The following APBA1 variants were observed in gnomAD, a reference collection of about 807,000 sequenced individuals.
APBA1 encodes the protein amyloid-beta A4 precursor protein-binding family A member 1.
Under a neutral mutation model 86.6 loss-of-function variants are expected in APBA1, and 55 were observed. The observed-to-expected ratio is 0.64, with a 90% CI of 0.51 to 0.80. The LOEUF (loss-of-function observed/expected upper bound fraction) is 0.80. APBA1 is among the 30% of genes least tolerant of loss of function. APBA1 has a pLI of 0.00. For synonymous variants in APBA1, 511 were observed against 493.9 expected (o/e 1.03, Z -0.46); for missense variants, 1,090 against 1,183.0 (o/e 0.92, Z 1.15).
At chr9:69,623,564 G>A (rs1257705874) in intron 1 of APBA1, among the ~76,000 whole-genome samples, 1 of 152,090 alleles carries the variant, frequency 6.6e-6, no homozygotes, top group Non-Finnish European at 1.5e-5. Context: ...AATTTTGCAA[G>A]AGCTGGCCCT....
intron 1 of APBA1, among the ~76,000 whole-genome samples, chr9:69,603,713 T>C (rs1400647747): frequency 6.6e-6 from 1 of 152,256 alleles, no homozygotes; most frequent in East Asian, 1.9e-4. Flanking sequence ...CCAAAGTGTT[T>C]TGGGTAACTA....
chr9:69,510,917 C>T (rs368786925), intron 2 of APBA1, among the ~76,000 whole-genome samples: 2 of 144,126 alleles, frequency 1.4e-5, no homozygotes, highest in Admixed American at 6.9e-5. Context: ...ATACAAAAAT[C>T]AATTCAAGAT....
At chr9:69,591,233 C>T (rs947385986) in intron 1 of APBA1, among the ~76,000 whole-genome samples, 2 of 152,172 alleles carry the variant, frequency 1.3e-5, no homozygotes, top group African/African-American at 4.8e-5. Context: ...GCCTCTTTTC[C>T]CCTTCTCTTT....
In APBA1 at chr9:69,638,000, G is replaced by A. The variant is rs184181570; in HGVS notation, c.-70+34153C>T. ...ATATAGCACATAATTCATGAGTCAT[G>A]ACATTACCATGAATGCCTTCTTGCA... On this transcript the variant is annotated intron_variant, in intron 1 of 12. Transcript: ENST00000265381. 8.5e-5 allele frequency among the ~76,000 whole-genome samples: 13 copies of A among 152,286 alleles called. No homozygotes were observed. In the East Asian group the frequency reaches 1.2e-3, roughly 14 times the overall value.
intron 1 of APBA1, among the ~76,000 whole-genome samples, chr9:69,571,545 A>C (rs1039614890): frequency 6.6e-6 from 1 of 152,194 alleles, no homozygotes; most frequent in African/African-American, 2.4e-5. Flanking sequence ...CATAGATGGA[A>C]AGATATATAC....
chr9:69,427,879 C>T lies in APBA1; in HGVS notation c.*3448G>A, dbSNP rs1006502144. On this transcript the variant is annotated 3_prime_UTR_variant, in exon 13 of 13. Transcript: ENST00000265381. The stretch of plus-strand genomic sequence containing the variant: ...CGACACTTTACAATAAGCTCTATTT[C>T]ACCCTCTTTACAGAACAATAGTACA... 3 of 152,190 alleles carry T rather than the reference C, an allele frequency of 2.0e-5. No homozygotes were observed. The highest frequency in any genetic ancestry group is 7.2e-5 in the African/African-American group (3 of 41,444). The allele number at this position is 152,190 out of a possible 1,614,324, so 9.4% of individuals were successfully genotyped here.
chr9:69,460,622 A>T, intron 5 of APBA1: 1 of 152,150 alleles, frequency 6.6e-6, no homozygotes, highest in East Asian at 1.9e-4. Flanking sequence ...TTTCAAAAGG[A>T]AATAGGTTCC....
At chr9:69,510,368 T>C (rs1836012608) in intron 2 of APBA1, among the ~76,000 whole-genome samples, 1 of 149,636 alleles carries the variant, frequency 6.7e-6, no homozygotes, top group Non-Finnish European at 1.5e-5. Context: ...TTACAAGGGA[T>C]GTGAAGGACC....
Position 69,441,058 on chromosome 9 carries a change from T to C in APBA1, c.2239A>G (p.Thr747Ala). The part of the protein sequence containing the change: ...LNIVRCPPVT[T>A]VLIRRPDLRY... The stretch of plus-strand genomic sequence containing the variant: ...AGGTCTGGTCTTCTGATTAACACGG[T>C]GGTCACCGGAGGACATCTCACGATA... The change falls in exon 11 of 13, where the codon ACC becomes GCC. Residue 747 changes from threonine to alanine, a missense_variant. By Grantham distance (58) the Thr-to-Ala change is moderately conservative (BLOSUM62 0). This residue lies in a region of APBA1 where 119 missense variants were observed against 124.8 expected (regional missense o/e 0.95). Transcript: ENST00000265381. 3 of 1,614,110 alleles carry C rather than the reference T, an allele frequency of 1.9e-6. No individual in the cohort carries two copies. Among genetic ancestry groups the C allele is most frequent in the Non-Finnish European group, 2.5e-6 (3 of 1,180,032 alleles).
At chr9:69,465,257 C>T (rs1421455330) in intron 5 of APBA1, 1 of 152,190 alleles carries the variant, frequency 6.6e-6, no homozygotes, top group Non-Finnish European at 1.5e-5. Flanking sequence ...CAGTCCCTGT[C>T]TATCAGAGAC....
At chr9:69,432,263 C>T (rs535335246) in intron 12 of APBA1, among the ~76,000 whole-genome samples, 1 of 152,324 alleles carries the variant, frequency 6.6e-6, no homozygotes, top group South Asian at 2.1e-4. Context: ...AGAAAAGCAA[C>T]AGAAAGCTGA....
chr9:69,604,647 T>G (rs1224680709), intron 1 of APBA1, among the ~76,000 whole-genome samples: 2 of 125,150 alleles, frequency 1.6e-5, no homozygotes, highest in Admixed American at 8.6e-5. Flanking sequence ...CGGGCACACA[T>G]GCACACATGA....
At chr9:69,623,354 T>C (rs577295300) in intron 1 of APBA1, among the ~76,000 whole-genome samples, 1 of 144,644 alleles carries the variant, frequency 6.9e-6, no homozygotes, top group Non-Finnish European at 1.6e-5. Flanking sequence ...ATTTTCTTTT[T>C]TTTCTTTTTT....
chr9:69,432,760 C>T, intron 11 of APBA1, 84 bp from the exon 12 acceptor site: 2 of 1,294,620 alleles, frequency 1.5e-6, no homozygotes, highest in Non-Finnish European at 2.0e-6. Flanking sequence ...GCCCCCTGCC[C>T]CTACACTCTG....
At chr9:69,455,392 C>T (rs746521934) in intron 8 of APBA1, among the ~76,000 whole-genome samples, 3 of 151,948 alleles carry the variant, frequency 2.0e-5, no homozygotes, top group Non-Finnish European at 4.4e-5. Context: ...CAGGATGGTG[C>T]GGGGAGGTAG....
intron 1 of APBA1, among the ~76,000 whole-genome samples, chr9:69,611,791 T>C (rs1000750653): frequency 6.6e-6 from 1 of 152,204 alleles, no homozygotes; most frequent in African/African-American, 2.4e-5. Flanking sequence ...TGTGTCTACA[T>C]GGTAAAACCT....
rs188867569 is a variant in APBA1, at chr9:69,457,939, G to T, written c.1515+217C>A. On this transcript the variant is annotated intron_variant, in intron 6 of 12. Coordinates refer to ENST00000265381, the MANE Select transcript of APBA1 (RefSeq NM_001163.4). ...CAGCGTCTCCAATCTGCTCCCTGTC[G>T]TTCCTCTGAAGTGAAATGACTAATG... Among the ~76,000 whole-genome samples the T allele has an allele frequency of 1.1e-4, 16 of 152,200 alleles. No individual in the cohort carries two copies. In the East Asian group the frequency reaches 2.9e-3, roughly 28 times the overall value.
In APBA1 at chr9:69,545,301, C is replaced by A. The variant is rs986321401; in HGVS notation, c.-69-28022G>T. 4.6e-5 allele frequency among the ~76,000 whole-genome samples: 7 copies of A among 152,296 alleles called. 1 individual carries two copies. In the South Asian group the frequency reaches 6.2e-4, roughly 14 times the overall value. ...TGGGACAAAAAGCCAAAACCAAAAT[C>A]AAAACACACAAAAAACAAGAGCTGC... is the stretch of plus-strand genomic sequence containing the variant. On this transcript the variant is annotated intron_variant, in intron 1 of 12. Transcript: ENST00000265381.
At chr9:69,644,062 T>C (rs928972676) in intron 1 of APBA1, among the ~76,000 whole-genome samples, 2 of 152,212 alleles carry the variant, frequency 1.3e-5, no homozygotes, top group African/African-American at 4.8e-5. Flanking sequence ...TACAACCCGA[T>C]GTCACACTCT....
Sources: gnomAD v4.1 joint callset for allele counts (sites outside exome capture counted in the v4.1 genomes callset) on GRCh38, gnomAD v4.1.1 for gene constraint, gnomAD v4.1.1 regional missense constraint, MANE v1.5 for transcripts, NCBI Gene and HGNC (gene_info 2026-07-23, HGNC 2026-07-21) for gene names.